Variants in HIVEP2 observed in about 807,000 individuals in gnomAD.
HIVEP2 encodes transcription factor HIVEP2.
Under a neutral mutation model 180.7 loss-of-function variants are expected in HIVEP2, and 14 were observed. That is an observed-to-expected ratio of 0.08 (90% CI 0.05 to 0.12). The LOEUF is 0.12. Among genes scored for constraint, HIVEP2 ranks in the 10% least tolerant of loss-of-function variants. The pLI is 1.00. For missense variants in HIVEP2, 2,579 were observed against 3,008.5 expected (o/e 0.86, Z 3.34); for synonymous variants, 1,184 against 1,136.4 (o/e 1.04, Z -0.84).
chr6:142,912,217 T>C (rs543017630), intron 1 of HIVEP2, among the ~76,000 whole-genome samples: 2 of 152,364 alleles, frequency 1.3e-5, no homozygotes, highest in East Asian at 3.9e-4. Flanking sequence ...GGCTACCATA[T>C]TGGCCAATGC....
intron 2 of HIVEP2, among the ~76,000 whole-genome samples, chr6:142,832,475 A>G (rs1775114134): frequency 6.6e-6 from 1 of 152,190 alleles, no homozygotes; most frequent in Admixed American, 6.5e-5. Flanking sequence ...GAGCTCAAAC[A>G]TGAAGAGAAG....
intron 1 of HIVEP2, among the ~76,000 whole-genome samples, chr6:142,850,074 C>T (rs544320209): frequency 2.0e-5 from 3 of 152,102 alleles, no homozygotes; most frequent in African/African-American, 7.2e-5. Context: ...AAATGTTCCT[C>T]GTGAAAGCAG....
intron 1 of HIVEP2, among the ~76,000 whole-genome samples, chr6:142,920,234 G>C (rs1202583045): frequency 6.6e-6 from 1 of 152,144 alleles, no homozygotes; most frequent in African/African-American, 2.4e-5. Flanking sequence ...ACAAATGTAA[G>C]GATAATATCC....
At chr6:142,891,937 T>G (rs1231068533) in intron 1 of HIVEP2, among the ~76,000 whole-genome samples, 2 of 152,204 alleles carry the variant, frequency 1.3e-5, no homozygotes, top group African/African-American at 4.8e-5. Flanking sequence ...TTAGGCCCTG[T>G]TTATGTCCCA....
intron 2 of HIVEP2, among the ~76,000 whole-genome samples, chr6:142,798,611 C>T (rs140069283): frequency 6.6e-6 from 1 of 152,256 alleles, no homozygotes; most frequent in East Asian, 1.9e-4. Flanking sequence ...TTCTGCCTAA[C>T]CTACCCTCTC....
At chr6:142,876,606 G>A (rs1776445056) in intron 1 of HIVEP2, among the ~76,000 whole-genome samples, 1 of 152,124 alleles carries the variant, frequency 6.6e-6, no homozygotes, top group African/African-American at 2.4e-5. Flanking sequence ...GATTCCCATT[G>A]AGTGCCACTA....
Position 142,931,437 on chromosome 6 carries a change from TCAG to T in HIVEP2, c.-641+13659_-641+13661del, listed in dbSNP as rs564523228. Reference sequence around the variant, plus strand: ...ATACTAAAATGACAATCATTTGAGCTCAGCCTAGTATCAGTATGGCATGTCATT... The same window carrying T: ...ATACTAAAATGACAATCATTTGAGCTCCTAGTATCAGTATGGCATGTCATT... On this transcript the variant is annotated intron_variant, in intron 1 of 9. Transcript: ENST00000367603. Among the ~76,000 whole-genome samples the T allele has an allele frequency of 1.3e-4, 20 of 152,200 alleles. No homozygotes were observed. In the East Asian group the frequency reaches 3.3e-3, roughly 25 times the overall value.
intron 1 of HIVEP2, among the ~76,000 whole-genome samples, chr6:142,855,747 A>C (rs1287014592): frequency 1.3e-5 from 2 of 152,236 alleles, no homozygotes; most frequent in African/African-American, 4.8e-5. Context: ...TGAGCCATTT[A>C]AAAGGAAGAG....
At chr6:142,787,725 A>G (rs1776040713) in intron 2 of HIVEP2, among the ~76,000 whole-genome samples, 1 of 152,172 alleles carries the variant, frequency 6.6e-6, no homozygotes, top group Non-Finnish European at 1.5e-5. Flanking sequence ...TGATGACTAT[A>G]AGCTTAGATC....
intron 1 of HIVEP2, among the ~76,000 whole-genome samples, chr6:142,926,478 G>A (rs1334182732): frequency 1.3e-5 from 2 of 152,236 alleles, no homozygotes; most frequent in Non-Finnish European, 2.9e-5. Flanking sequence ...TAGAGGGAGA[G>A]TTAAACAAGG....
chr6:142,803,080 T>C (rs970677635), intron 2 of HIVEP2, among the ~76,000 whole-genome samples: 11 of 152,168 alleles, frequency 7.2e-5, no homozygotes, highest in African/African-American at 2.7e-4. Context: ...CTCTGTAGTA[T>C]ATACTTTTAA....
intron 1 of HIVEP2, among the ~76,000 whole-genome samples, chr6:142,939,941 A>G (rs1778136923): frequency 6.6e-6 from 1 of 152,242 alleles, no homozygotes; most frequent in Admixed American, 6.5e-5. Context: ...AGTGATTTTC[A>G]CTAACCTCTG....
rs931443049 is a variant in HIVEP2, at chr6:142,859,145, C to T, written c.-640-22098G>A. Among the ~76,000 whole-genome samples the T allele has an allele frequency of 3.3e-5, 5 of 151,918 alleles. No individual in the cohort carries two copies. In the East Asian group the frequency reaches 9.6e-4, roughly 29 times the overall value. ...CACATTCTGTCTCTATTTTTTTTAA[C>T]CAATACTATAACTTTTGATCCCTAC... is the stretch of plus-strand genomic sequence containing the variant. On this transcript the variant is annotated intron_variant, in intron 1 of 9. Coordinates refer to ENST00000367603, the MANE Select transcript of HIVEP2 (RefSeq NM_006734.4).
chr6:142,901,016 C>T (rs1314629924), intron 1 of HIVEP2, among the ~76,000 whole-genome samples: 1 of 152,214 alleles, frequency 6.6e-6, no homozygotes, highest in Non-Finnish European at 1.5e-5. Context: ...ATAATATTAA[C>T]TCCACTTTTA....
intron 2 of HIVEP2, among the ~76,000 whole-genome samples, chr6:142,825,080 T>C (rs1261028359): frequency 1.3e-5 from 2 of 152,190 alleles, no homozygotes; most frequent in Non-Finnish European, 2.9e-5. Context: ...ACAATTTACA[T>C]GAGCACAATG....
intron 2 of HIVEP2, among the ~76,000 whole-genome samples, chr6:142,832,412 A>G (rs548801048): frequency 1.3e-5 from 2 of 152,322 alleles, no homozygotes; most frequent in Admixed American, 1.3e-4. Context: ...AAAAATGCAT[A>G]CAAAAAGTGG....
intron 1 of HIVEP2, among the ~76,000 whole-genome samples, chr6:142,870,165 G>A (rs770079710): frequency 1.3e-5 from 2 of 151,868 alleles, no homozygotes; most frequent in Non-Finnish European, 2.9e-5. Flanking sequence ...ATCCTTTGGG[G>A]TTCAGCACCA....
Position 142,771,413 on chromosome 6 carries a change from T to C in HIVEP2, c.3326A>G (p.Glu1109Gly), listed in dbSNP as rs758573013. The C allele has an allele frequency of 6.2e-6, 10 of 1,613,284 alleles. No individual in the cohort carries two copies. The Admixed American group carries it at 1.7e-4, about 27-fold the overall frequency. ...MDQSVKQEQL[E>G]HLHAGLRSGW... Reference sequence around the variant, plus strand: ...GGACCGGAGGCCAGCATGCAGGTGCTCCAGCTGCTCTTGCTTCACGCTCTG... The same window carrying C: ...GGACCGGAGGCCAGCATGCAGGTGCCCCAGCTGCTCTTGCTTCACGCTCTG... The change falls in exon 5 of 10, where the codon GAG becomes GGG. Residue 1109 changes from glutamate (E) to glycine (G), a missense_variant. Around this residue, in one of 11 missense-constraint regions of HIVEP2, gnomAD observed 523 missense variants for 577.0 expected, o/e 0.91. Coordinates refer to ENST00000367603, the MANE Select transcript of HIVEP2 (RefSeq NM_006734.4). The surrounding 1 kb of genome is among the most constrained non-coding windows in gnomAD (Gnocchi z 5.4).
In HIVEP2 at chr6:142,759,842, G is replaced by A. The variant is rs1244984225; in HGVS notation, c.6446C>T (p.Ala2149Val). Residue 2149 changes from alanine (A) to valine (V), a missense_variant, in exon 9 of 10, where the codon GCT becomes GTT. Ala to Val is a moderately conservative substitution (Grantham distance 64). Around this residue, in one of 11 missense-constraint regions of HIVEP2, gnomAD observed 660 missense variants for 731.7 expected, o/e 0.90. Coordinates refer to ENST00000367603, the MANE Select transcript of HIVEP2 (RefSeq NM_006734.4). The part of the protein sequence containing the change: ...TTIRAPSPRR[A>V]LYHNPPLSMG... ...GGACAATGGTGGGTTATGGTATAAAGCCCTTCTGGGAGATGGCGCTCTTAT... is the reference window on the plus strand; with the variant it reads ...GGACAATGGTGGGTTATGGTATAAAACCCTTCTGGGAGATGGCGCTCTTAT... 6.2e-7 allele frequency: 1 copy of A among 1,613,984 alleles called. No individual in the cohort carries two copies. Among genetic ancestry groups the A allele is most frequent in the East Asian group, 2.2e-5 (1 of 44,880 alleles).
Sources: allele counts gnomAD v4.1 joint callset (sites outside exome capture counted in the v4.1 genomes callset), GRCh38; gene constraint gnomAD v4.1.1; regional missense constraint gnomAD v4.1.1; non-coding constraint Gnocchi (gnomAD v3.1); transcripts MANE v1.5; gene names NCBI Gene and HGNC (gene_info 2026-07-23, HGNC 2026-07-21).